The following IQCH variants were observed in gnomAD, a reference collection of about 807,000 sequenced individuals.
IQCH encodes the protein IQ motif containing H, also known as IQ domain-containing protein H.
In IQCH, 98 loss-of-function variants were observed where a neutral mutation model predicts 117.0. The observed-to-expected ratio is 0.84, with a 90% CI of 0.71 to 0.99. IQCH has a LOEUF of 0.99. Ranked by LOEUF, IQCH falls within the 50% of genes least tolerant of loss-of-function variation. IQCH has a pLI of 0.00. For missense variants in IQCH, 1,102 were observed against 1,243.8 expected (o/e 0.89, Z 1.72); for synonymous variants, 412 against 448.2 (o/e 0.92, Z 1.02).
intron 4 of IQCH, chr15:67,304,460 G>T: frequency 7.1e-7 from 1 of 1,401,908 alleles, no homozygotes; most frequent in Non-Finnish European, 9.7e-7. Flanking sequence ...GCATGTGTAA[G>T]TAATGAGTTG....
chr15:67,309,020 G>T (rs550217138), intron 4 of IQCH, among the ~76,000 whole-genome samples: 2 of 152,174 alleles, frequency 1.3e-5, no homozygotes, highest in East Asian at 3.9e-4. Context: ...TTAGCTCTTA[G>T]AATAGTGATT....
intron 14 of IQCH, among the ~76,000 whole-genome samples, chr15:67,415,193 G>A (rs1368756354): frequency 6.6e-6 from 1 of 152,160 alleles, no homozygotes; most frequent in African/African-American, 2.4e-5. Flanking sequence ...GGGCTTTGGG[G>A]CGATCAGGTA....
At chr15:67,323,818 C>T (rs1968260780) in intron 4 of IQCH, among the ~76,000 whole-genome samples, 1 of 151,668 alleles carries the variant, frequency 6.6e-6, no homozygotes, top group Admixed American at 6.6e-5. Context: ...TTTAAATAGC[C>T]AATTGTCTTT....
chr15:67,431,405 G>A lies in IQCH; in HGVS notation c.2505+9828G>A, dbSNP rs11635641. Among the ~76,000 whole-genome samples, 19,678 of 152,064 alleles carry A rather than the reference G, an allele frequency of 0.13. 1,351 individuals are homozygous for A. Among genetic ancestry groups the A allele is most frequent in the East Asian group, 0.2 (1,038 of 5,172 alleles). On this transcript the variant is annotated intron_variant, in intron 16 of 20. Transcript: ENST00000335894. This position sits in a 1 kb window ranked among gnomAD's most constrained non-coding sequence, Gnocchi z 4.8. ...AGGAACAGAAAACCAAATACTGCAT[G>A]TTCCCACTTATAAGTGGGAGCTAAA...
Position 67,454,538 on chromosome 15 carries a change from T to C in IQCH, c.2506-10589T>C, listed in dbSNP as rs545443892. Among the ~76,000 whole-genome samples the C allele has an allele frequency of 2.6e-4, 40 of 152,338 alleles. No homozygotes were observed. The highest frequency in any genetic ancestry group is 6.8e-3 in the Middle Eastern group (2 of 294). ...CATTTTCCTCAACCCCAAAAAAGAATGCTGTACACATTAGAAGTCACTCCC... is the reference window on the plus strand; with the variant it reads ...CATTTTCCTCAACCCCAAAAAAGAACGCTGTACACATTAGAAGTCACTCCC... On this transcript the variant is annotated intron_variant, in intron 16 of 20. Coordinates refer to ENST00000335894, the MANE Select transcript of IQCH (RefSeq NM_001031715.3). This position sits in a 1 kb window ranked among gnomAD's most constrained non-coding sequence, Gnocchi z 5.2.
At chr15:67,396,078 A>G (rs1971460535) in intron 13 of IQCH, among the ~76,000 whole-genome samples, 2 of 152,310 alleles carry the variant, frequency 1.3e-5, no homozygotes, top group South Asian at 4.1e-4. Flanking sequence ...GCACTGTTAA[A>G]ATGTATATAT....
intron 3 of IQCH, among the ~76,000 whole-genome samples, chr15:67,275,749 A>G (rs1191262460): frequency 6.6e-6 from 1 of 152,078 alleles, no homozygotes; most frequent in East Asian, 1.9e-4. Flanking sequence ...GTGTGGTGGC[A>G]TGTGCCTGTA....
rs183542383 is a variant in IQCH, at chr15:67,306,045, T to A, written c.387+26533T>A. ...CATAAAAATCTACACCAGAGCAATT[T>A]AAAATTGGATATACATTGTGTATAT... On this transcript the variant is annotated intron_variant, in intron 4 of 20. Coordinates refer to ENST00000335894, the MANE Select transcript of IQCH (RefSeq NM_001031715.3). Among the ~76,000 whole-genome samples the A allele has an allele frequency of 5.9e-5, 9 of 152,244 alleles. No individual in the cohort carries two copies. The East Asian group carries it at 1.7e-3, about 29-fold the overall frequency.
intron 4 of IQCH, among the ~76,000 whole-genome samples, chr15:67,318,425 C>A (rs1213055076): frequency 6.6e-6 from 1 of 152,136 alleles, no homozygotes; most frequent in Non-Finnish European, 1.5e-5. Flanking sequence ...ATATCATATT[C>A]CTGAGAAGGA....
chr15:67,482,559 A>C (rs951704589), intron 18 of IQCH, among the ~76,000 whole-genome samples: 1 of 152,218 alleles, frequency 6.6e-6, no homozygotes, highest in Non-Finnish European at 1.5e-5. Context: ...TTTGAAAGGT[A>C]GACATTTTCA....
rs191837855 is a variant in IQCH at position 67,416,958 on chromosome 15, G to A, written c.2125G>A (p.Glu709Lys). 3.7e-6 allele frequency: 6 copies of A among 1,607,618 alleles called. No homozygotes were observed. The East Asian group carries it at 1.1e-4, about 30-fold the overall frequency. Residue 709 changes from glutamate to lysine, a missense_variant, in exon 15 of 21, where the codon GAG becomes AAG. Coordinates refer to ENST00000335894, the MANE Select transcript of IQCH (RefSeq NM_001031715.3). This position sits in a 1 kb window ranked among gnomAD's most constrained non-coding sequence, Gnocchi z 5.1. ...GCCAGCTTTGGTGAAGATCTCTGAG[G>A]AGCTGGCGGGCATTTTAGCACAGCA... ...QEPALVKISE[E>K]LAGILAQHAQ...
At chr15:67,353,338 T>C (rs752696418) in intron 6 of IQCH, among the ~76,000 whole-genome samples, 1 of 142,172 alleles carries the variant, frequency 7.0e-6, no homozygotes, top group Admixed American at 7.4e-5. Flanking sequence ...TTGGCTTCTT[T>C]ATTTTTTTAT....
rs542292098 is a variant in IQCH, at chr15:67,433,793, A to C, written c.2505+12216A>C. On this transcript the variant is annotated intron_variant, in intron 16 of 20. Transcript: ENST00000335894. The surrounding 1 kb of genome is among the most constrained non-coding windows in gnomAD (Gnocchi z 5.4). Reference sequence around the variant, plus strand: ...CTCCCTACTAATGCCAAGAAAGACCATAAGATTCTTCACCTATGAGCATTT... The same window carrying C: ...CTCCCTACTAATGCCAAGAAAGACCCTAAGATTCTTCACCTATGAGCATTT... 2.4e-4 allele frequency among the ~76,000 whole-genome samples: 37 copies of C among 152,316 alleles called. No individual in the cohort carries two copies. Among genetic ancestry groups the C allele is most frequent in the African/African-American group, 7.9e-4 (33 of 41,570 alleles).
At chr15:67,339,825 A>G (rs891108046) in intron 5 of IQCH, among the ~76,000 whole-genome samples, 4 of 152,156 alleles carry the variant, frequency 2.6e-5, no homozygotes, top group Non-Finnish European at 5.9e-5. Flanking sequence ...GCCACCTTAC[A>G]TTTGCTTTGT....
At chr15:67,310,873 C>T (rs1393256396) in intron 4 of IQCH, among the ~76,000 whole-genome samples, 7 of 151,832 alleles carry the variant, frequency 4.6e-5, no homozygotes, top group Non-Finnish European at 7.4e-5. Flanking sequence ...AGAAGGGTGG[C>T]GAGATATCTG....
At position 67,463,762 on chromosome 15, in the gene IQCH, T is replaced by C. The variant is rs186066557; in HGVS notation, c.2506-1365T>C. Among the ~76,000 whole-genome samples, 11 of 152,358 alleles carry C rather than the reference T, an allele frequency of 7.2e-5. No individual in the cohort carries two copies. The highest frequency in any genetic ancestry group is 6.5e-5 in the Admixed American group (1 of 15,306). ...CCTTTCTTTCTGCTTCAGTAGTACTTTGTTCCACCCCATTATTTTATCACA... is the reference window on the plus strand; with the variant it reads ...CCTTTCTTTCTGCTTCAGTAGTACTCTGTTCCACCCCATTATTTTATCACA... On this transcript the variant is annotated intron_variant, in intron 16 of 20. Coordinates refer to ENST00000335894, the MANE Select transcript of IQCH (RefSeq NM_001031715.3). This position sits in a 1 kb window ranked among gnomAD's most constrained non-coding sequence, Gnocchi z 4.0.
intron 3 of IQCH, among the ~76,000 whole-genome samples, chr15:67,277,251 CAG>C (rs1455406648): frequency 2.6e-5 from 4 of 152,170 alleles, no homozygotes; most frequent in African/African-American, 7.2e-5. Context: ...GCCTATTAAT[CAG>C]AGTTACTTTA....
At chr15:67,353,546 G>A (rs772438050) in intron 6 of IQCH, among the ~76,000 whole-genome samples, 100 of 152,124 alleles carry the variant, frequency 6.6e-4, no homozygotes, top group Admixed American at 1.0e-3. Context: ...TTTTAGTAGA[G>A]AGAGGGTTTC....
rs751340891 is a variant in IQCH, at chr15:67,458,839, G to A, written c.2506-6288G>A. On this transcript the variant is annotated intron_variant, in intron 16 of 20. Coordinates refer to ENST00000335894, the MANE Select transcript of IQCH (RefSeq NM_001031715.3). This position sits in a 1 kb window ranked among gnomAD's most constrained non-coding sequence, Gnocchi z 4.1. Reference sequence around the variant, plus strand: ...ACATCCCTTTGGCCAACCAGCTACTGAGCATGATGGGCCGTGTATCACAGT... The same window carrying A: ...ACATCCCTTTGGCCAACCAGCTACTAAGCATGATGGGCCGTGTATCACAGT... Among the ~76,000 whole-genome samples the A allele has an allele frequency of 7.2e-5, 11 of 152,244 alleles. No individual in the cohort carries two copies. Among genetic ancestry groups the A allele is most frequent in the Non-Finnish European group, 1.6e-4 (11 of 68,048 alleles).
Sources: gnomAD v4.1 joint callset for allele counts (sites outside exome capture counted in the v4.1 genomes callset) on GRCh38, gnomAD v4.1.1 for gene constraint, Gnocchi (gnomAD v3.1) non-coding constraint, MANE v1.5 for transcripts, NCBI Gene and HGNC (gene_info 2026-07-23, HGNC 2026-07-21) for gene names.